VPS13A: variants seen among roughly 807,000 people sequenced by gnomAD.
VPS13A encodes intermembrane lipid transfer protein VPS13A.
In VPS13A, 264 loss-of-function variants were observed where a neutral mutation model predicts 390.9. That is an observed-to-expected ratio of 0.68 (90% CI 0.61 to 0.75). The LOEUF (loss-of-function observed/expected upper bound fraction) is 0.75, where lower values mean the gene tolerates loss of function less well. Ranked by LOEUF, VPS13A falls within the 30% of genes least tolerant of loss-of-function variation. The pLI, the probability that VPS13A is intolerant of heterozygous loss-of-function variation, is 0.00. For synonymous variants in VPS13A, 1,231 were observed against 1,227.1 expected, an observed-to-expected ratio of 1.00 and a Z score of -0.07; for missense variants, 3,409 against 3,733.9, an observed-to-expected ratio of 0.91 and a Z score of 2.27.
At chr9:77,362,894 T>C (rs560748986) in intron 59 of VPS13A, among the ~76,000 whole-genome samples, 69 of 152,334 alleles carry the variant, frequency 4.5e-4, no homozygotes, top group African/African-American at 1.6e-3. Flanking sequence ...AATTGATTTT[T>C]TAATTCCATT....
chr9:77,306,582 G>A (rs1312088974), intron 34 of VPS13A, among the ~76,000 whole-genome samples: 2 of 152,050 alleles, frequency 1.3e-5, no homozygotes, highest in African/African-American at 2.4e-5. Flanking sequence ...GTTGGAGCTC[G>A]AGTCTGAAGG....
At chr9:77,303,732 C>T (rs200093680) in intron 34 of VPS13A, among the ~76,000 whole-genome samples, 11 of 152,054 alleles carry the variant, frequency 7.2e-5, no homozygotes, top group Admixed American at 1.3e-4. Context: ...GGGAAGGTAC[C>T]ATGAGTGGAC....
chr9:77,400,550 G>A (rs188580119), intron 68 of VPS13A, among the ~76,000 whole-genome samples: 12 of 152,018 alleles, frequency 7.9e-5, no homozygotes, highest in East Asian at 3.9e-4. Context: ...AAAATGGGCC[G>A]GGCGCGGTGG....
rs149067717 is a variant in VPS13A, at chr9:77,318,526, C to G, written c.5248C>G (p.Arg1750Gly). The change falls in exon 41 of 72, where the codon CGT becomes GGT. Residue 1750 changes from arginine (R) to glycine (G), a missense_variant. By Grantham distance (125) the Arg-to-Gly change is moderately radical. This residue lies in a region of VPS13A where 2,717 missense variants were observed against 2,917.4 expected (regional missense o/e 0.93). Coordinates refer to ENST00000360280, the MANE Select transcript of VPS13A (RefSeq NM_033305.3). Reference sequence around the variant, plus strand: ...AGTACCTATGCTTCTGGCAAAGTCACGTTTTTCAGGGGAAGGCAAAAACTG... The same window carrying G: ...AGTACCTATGCTTCTGGCAAAGTCAGGTTTTTCAGGGGAAGGCAAAAACTG... Reference protein sequence around the residue: ...RTVPMLLAKSRFSGEGKNWSS... With the variant: ...RTVPMLLAKSGFSGEGKNWSS... 121 of 1,613,884 alleles carry G rather than the reference C, an allele frequency of 7.5e-5. No homozygotes were observed. The highest frequency in any genetic ancestry group is 9.9e-5 in the Non-Finnish European group (117 of 1,179,890).
At chr9:77,211,366 C>G (rs1825965385) in intron 7 of VPS13A, 1 of 151,970 alleles carries the variant, frequency 6.6e-6, no homozygotes, top group Non-Finnish European at 1.5e-5. Context: ...TTTTATATGA[C>G]TCTTTTATGA....
intron 58 of VPS13A, 107 bp from the exon 59 acceptor site, chr9:77,360,429 A>G (rs982307350): frequency 2.4e-6 from 2 of 825,262 alleles, no homozygotes; most frequent in Non-Finnish European, 4.1e-6. Context: ...AAATAGTCCT[A>G]AGTTTCAAAG....
intron 45 of VPS13A, among the ~76,000 whole-genome samples, chr9:77,324,821 T>G (rs1015912985): frequency 3.9e-5 from 6 of 152,064 alleles, no homozygotes; most frequent in Non-Finnish European, 8.8e-5. Context: ...GGACTGTAGG[T>G]GCACACCACC....
chr9:77,366,577 A>T (rs1242520325), intron 60 of VPS13A, 150 bp from the exon 61 acceptor site: 2 of 659,146 alleles, frequency 3.0e-6, no homozygotes, highest in Non-Finnish European at 5.0e-6. Context: ...AAATTTCTTC[A>T]TATTTCTACT....
intron 67 of VPS13A, among the ~76,000 whole-genome samples, chr9:77,381,422 A>G (rs537565227): frequency 2.0e-5 from 3 of 152,294 alleles, no homozygotes; most frequent in Admixed American, 6.6e-5. Flanking sequence ...GATTTATAAC[A>G]TTAATAGATT....
intron 71 of VPS13A, among the ~76,000 whole-genome samples, chr9:77,411,479 T>A (rs1011068066): frequency 5.3e-5 from 8 of 151,492 alleles, no homozygotes; most frequent in South Asian, 2.1e-4. Context: ...CTGGCTAACA[T>A]GGTGAAACCC....
At chr9:77,320,470 C>A (rs570461167) in intron 42 of VPS13A, among the ~76,000 whole-genome samples, 1 of 152,238 alleles carries the variant, frequency 6.6e-6, no homozygotes, top group East Asian at 1.9e-4. Flanking sequence ...AAGCAAGAGA[C>A]TGCAGAATTA....
chr9:77,223,289 G>T (rs905189410), intron 13 of VPS13A, among the ~76,000 whole-genome samples: 1 of 152,106 alleles, frequency 6.6e-6, no homozygotes, highest in African/African-American at 2.4e-5. Flanking sequence ...AAATTAGGCC[G>T]ATTAATAGCC....
chr9:77,327,130 T>C (rs1371222312), intron 45 of VPS13A, among the ~76,000 whole-genome samples: 1 of 152,150 alleles, frequency 6.6e-6, no homozygotes, highest in Non-Finnish European at 1.5e-5. Flanking sequence ...TTTGTTTTTG[T>C]TTTTCCCTTG....
At chr9:77,369,447 C>A in intron 63 of VPS13A, 35 bp downstream of exon 63, 1 of 1,301,770 alleles carries the variant, frequency 7.7e-7, no homozygotes, top group Non-Finnish European at 1.1e-6. Flanking sequence ...TGCAATATGT[C>A]ACTAATACTT....
intron 55 of VPS13A, among the ~76,000 whole-genome samples, chr9:77,357,095 G>A (rs984789264): frequency 7.9e-5 from 12 of 151,940 alleles, no homozygotes; most frequent in African/African-American, 2.2e-4. Flanking sequence ...TGAGGCAGGC[G>A]GATTACTTGA....
At chr9:77,319,761 C>A in intron 42 of VPS13A, 88 bp downstream of exon 42, 1 of 709,892 alleles carries the variant, frequency 1.4e-6, no homozygotes, top group Non-Finnish European at 2.2e-6. Context: ...AGGTTCACAG[C>A]AAAATTGAGA....
At chr9:77,285,063 A>G (rs532753942) in intron 31 of VPS13A, among the ~76,000 whole-genome samples, 74 of 152,156 alleles carry the variant, frequency 4.9e-4, no homozygotes, top group Non-Finnish European at 9.6e-4. Flanking sequence ...GAAAGTTACA[A>G]AATAAAAAAA....
At chr9:77,214,089 A>G (rs762397482) in intron 9 of VPS13A, among the ~76,000 whole-genome samples, 29 of 152,090 alleles carry the variant, frequency 1.9e-4, no homozygotes, top group South Asian at 4.2e-4. Context: ...CAGCATAGCC[A>G]ACATGTTAAA....
At chr9:77,331,369 A>G (rs1287892058) in intron 45 of VPS13A, among the ~76,000 whole-genome samples, 2 of 152,048 alleles carry the variant, frequency 1.3e-5, no homozygotes, top group Non-Finnish European at 2.9e-5. Flanking sequence ...ATCATTTTCA[A>G]CTGTTGATAT....
Sources: gnomAD v4.1 joint callset for allele counts (sites outside exome capture counted in the v4.1 genomes callset) on GRCh38, gnomAD v4.1.1 for gene constraint, gnomAD v4.1.1 regional missense constraint, MANE v1.5 for transcripts, NCBI Gene and HGNC (gene_info 2026-07-23, HGNC 2026-07-21) for gene names.